Variants in ERC1 observed in about 807,000 individuals in gnomAD.
ERC1 encodes ELKS/RAB6-interacting/CAST family member 1, also known as RAB6 interacting protein 2.
Under a neutral mutation model 132.0 loss-of-function variants are expected in ERC1, and 56 were observed. The ratio of observed to expected loss-of-function variants is 0.42; its 90% CI spans 0.34 to 0.53. ERC1 has a LOEUF of 0.53. Ranked by LOEUF, ERC1 falls within the 20% of genes least tolerant of loss-of-function variation. ERC1 has a pLI of 0.03. For missense variants in ERC1, 1,202 were observed against 1,349.9 expected, an observed-to-expected ratio of 0.89 and a Z score of 1.72; for synonymous variants, 478 against 476.1, an observed-to-expected ratio of 1.00 and a Z score of -0.05.
intron 4 of ERC1, among the ~76,000 whole-genome samples, chr12:1,109,166 G>A (rs1945576295): frequency 6.6e-6 from 1 of 152,148 alleles, no homozygotes; most frequent in Non-Finnish European, 1.5e-5. Context: ...ATGTAAAGTA[G>A]CCTGGGGAGA....
At chr12:1,022,225 C>T (rs566780683) in intron 1 of ERC1, among the ~76,000 whole-genome samples, 5 of 152,266 alleles carry the variant, frequency 3.3e-5, no homozygotes, top group Admixed American at 2.6e-4. Context: ...CCAAGAAGTA[C>T]ATTTTATATT....
intron 1 of ERC1, among the ~76,000 whole-genome samples, chr12:1,020,407 A>G (rs1440371248): frequency 1.3e-5 from 2 of 152,224 alleles, no homozygotes; most frequent in Non-Finnish European, 2.9e-5. Context: ...CAGTGAGCCA[A>G]GATTGTGCTA....
In ERC1 at chr12:1,483,668, C is replaced by CTTTTTTTTT. The variant is rs35596394; in HGVS notation, c.3214-6395_3214-6387dup. Among the ~76,000 whole-genome samples the CTTTTTTTTT allele has an allele frequency of 7.6e-4, 42 of 55,216 alleles. 9 individuals are homozygous for CTTTTTTTTT. The highest frequency in any genetic ancestry group is 2.4e-3 in the East Asian group (3 of 1,252). The allele number at this position is 55,216 out of a possible 152,430, so 36.2% of individuals were successfully genotyped here. A position where few individuals can be genotyped will look rare whatever the true frequency, so the allele number is the denominator to read the frequency against. On this transcript the variant is annotated intron_variant, in intron 18 of 18. Transcript: ENST00000360905. ...CAAAACTCCTTCCAGCCACTGAGAG[C>CTTTTTTTTT]TTTTTTTTTTTTTTTTTTTTTTTTT...
At chr12:1,234,211 G>A (rs560546978) in intron 12 of ERC1, among the ~76,000 whole-genome samples, 2 of 152,276 alleles carry the variant, frequency 1.3e-5, no homozygotes, top group East Asian at 3.9e-4. Context: ...TACACGTTCA[G>A]TAAAACCACA....
chr12:1,279,797 G>A (rs1457019151), intron 14 of ERC1, among the ~76,000 whole-genome samples: 1 of 152,052 alleles, frequency 6.6e-6, no homozygotes, highest in Non-Finnish European at 1.5e-5. Context: ...CCGGGTTCAA[G>A]CAATTCTTCT....
At chr12:1,013,754 G>A (rs114191687) in intron 1 of ERC1, among the ~76,000 whole-genome samples, 3,789 of 152,162 alleles carry the variant, frequency 0.025, 147 homozygotes, top group African/African-American at 0.086. Context: ...CTTTGGGTCT[G>A]TCTGTCTTCC....
chr12:1,373,279 C>T (rs910108332), intron 16 of ERC1, among the ~76,000 whole-genome samples: 16 of 152,304 alleles, frequency 1.1e-4, no homozygotes, highest in African/African-American at 3.8e-4. Flanking sequence ...GAAAGGAGTT[C>T]ACTGCTGTGG....
chr12:1,289,832 C>T lies in ERC1; in HGVS notation c.2620-20C>T, dbSNP rs370561109. The T allele has an allele frequency of 1.2e-3, 1,960 of 1,608,998 alleles. No individual in the cohort carries two copies. Among genetic ancestry groups the T allele is most frequent in the Non-Finnish European group, 1.6e-3 (1,865 of 1,175,848 alleles). On this transcript the variant is annotated intron_variant, in intron 14 of 18. Coordinates refer to ENST00000360905, the MANE Select transcript of ERC1 (RefSeq NM_178040.4). ...ATTGATCAAGACACTCTGTTGTTCT[C>T]TTTCCCATATTTATGATAGGTGGAG...
chr12:1,440,461 C>T (rs1343083621), intron 17 of ERC1, among the ~76,000 whole-genome samples: 2 of 150,542 alleles, frequency 1.3e-5, no homozygotes, highest in African/African-American at 4.9e-5. Context: ...CCTCCTTGGC[C>T]TCCCAAAGTG....
intron 3 of ERC1, 50 bp downstream of exon 3, chr12:1,083,630 C>T: frequency 7.1e-7 from 1 of 1,404,832 alleles, no homozygotes. Flanking sequence ...TCTTTTTTTT[C>T]ACTGATTAAT....
chr12:1,254,054 A>T (rs760583194), intron 13 of ERC1, among the ~76,000 whole-genome samples: 1 of 152,188 alleles, frequency 6.6e-6, no homozygotes, highest in Non-Finnish European at 1.5e-5. Context: ...GGCTGGCAAA[A>T]GTAGGCTTCA....
intron 15 of ERC1, among the ~76,000 whole-genome samples, chr12:1,295,583 A>C (rs2079854968): frequency 6.6e-6 from 1 of 152,172 alleles, no homozygotes; most frequent in African/African-American, 2.4e-5. Context: ...TCAGTTATCT[A>C]GCTGAGATAA....
intron 18 of ERC1, among the ~76,000 whole-genome samples, chr12:1,463,322 C>G (rs987429031): frequency 2.0e-5 from 3 of 152,092 alleles, no homozygotes; most frequent in African/African-American, 4.8e-5. Context: ...CTCCTGAACG[C>G]GCCTGCACAG....
At chr12:1,196,998 T>TTA (rs1491122785) in intron 12 of ERC1, among the ~76,000 whole-genome samples, 1 of 132,066 alleles carries the variant, frequency 7.6e-6, no homozygotes, top group Non-Finnish European at 1.6e-5. Context: ...TTTTTTTTTT[T>TTA]AAGACAGATT....
intron 1 of ERC1, among the ~76,000 whole-genome samples, chr12:1,013,819 A>C (rs1965076160): frequency 6.6e-6 from 1 of 151,858 alleles, no homozygotes; most frequent in African/African-American, 2.4e-5. Flanking sequence ...GCAGCCTTGA[A>C]CTCCTGGGCT....
chr12:1,155,609 T>G (rs1951310373), intron 8 of ERC1, among the ~76,000 whole-genome samples: 1 of 152,070 alleles, frequency 6.6e-6, no homozygotes, highest in African/African-American at 2.4e-5. Context: ...CCTGAGTAGC[T>G]GGGACCACAG....
At chr12:1,144,111 A>G (rs1301444195) in intron 8 of ERC1, among the ~76,000 whole-genome samples, 1 of 152,192 alleles carries the variant, frequency 6.6e-6, no homozygotes, top group Non-Finnish European at 1.5e-5. Context: ...GATACTGGAC[A>G]TCTCCACATT....
At chr12:1,202,292 A>T (rs1051377362) in intron 12 of ERC1, among the ~76,000 whole-genome samples, 2 of 152,102 alleles carry the variant, frequency 1.3e-5, no homozygotes, top group Non-Finnish European at 2.9e-5. Flanking sequence ...GTAGTGTTTC[A>T]CCTAAAAGTA....
chr12:1,253,295 G>T (rs1244197353), intron 13 of ERC1, among the ~76,000 whole-genome samples: 1 of 152,104 alleles, frequency 6.6e-6, no homozygotes, highest in Non-Finnish European at 1.5e-5. Flanking sequence ...AACAATTTTT[G>T]AGGGAGATGT....
Sources: allele counts gnomAD v4.1 joint callset (sites outside exome capture counted in the v4.1 genomes callset), GRCh38; gene constraint gnomAD v4.1.1; transcripts MANE v1.5; gene names NCBI Gene and HGNC (gene_info 2026-07-23, HGNC 2026-07-21).